Variants in SBF2 observed in about 807,000 individuals in gnomAD.
The protein encoded by SBF2 is SET binding factor 2.
Under a neutral mutation model 225.2 loss-of-function variants are expected in SBF2, and 112 were observed. The ratio of observed to expected loss-of-function variants is 0.50; its 90% CI spans 0.43 to 0.58. The LOEUF (loss-of-function observed/expected upper bound fraction) is 0.58. Ranked by LOEUF, SBF2 falls within the 20% of genes least tolerant of loss-of-function variation. The probability of loss-of-function intolerance (pLI) is 0.00; values close to 1 mark genes in which losing one functional copy is unlikely to be tolerated. For synonymous variants in SBF2, 763 were observed against 773.3 expected, an observed-to-expected ratio of 0.99 and a Z score of 0.22; for missense variants, 1,996 against 2,206.2, an observed-to-expected ratio of 0.90 and a Z score of 1.91.
At chr11:9,862,857 A>C (rs1262685194) in intron 17 of SBF2, among the ~76,000 whole-genome samples, 1 of 152,200 alleles carries the variant, frequency 6.6e-6, no homozygotes, top group Non-Finnish European at 1.5e-5. Context: ...CTAGCATCAT[A>C]ATCTTTTAAT....
In SBF2 at chr11:9,786,695, C is replaced by T. The variant is rs557933948; in HGVS notation, c.5037+939G>A. 5.3e-5 allele frequency among the ~76,000 whole-genome samples: 8 copies of T among 152,288 alleles called. No homozygotes were observed. The South Asian group carries it at 1.7e-3, about 32-fold the overall frequency. On this transcript the variant is annotated intron_variant, in intron 36 of 39. Coordinates refer to ENST00000256190, the MANE Select transcript of SBF2 (RefSeq NM_030962.4). ...TTCGATTGGTGGCTCTACCAGTTGC[C>T]ACTGTATGCTCTCTGTGCCTGTTCC...
chr11:9,816,814 T>G, intron 29 of SBF2, 26 bp downstream of exon 29: 2 of 1,610,932 alleles, frequency 1.2e-6, no homozygotes, highest in Non-Finnish European at 1.7e-6. Context: ...CCATAAAGTT[T>G]CTAAGTGAGA....
intron 1 of SBF2, among the ~76,000 whole-genome samples, chr11:10,218,345 A>C: frequency 1.1e-5 from 1 of 94,172 alleles, no homozygotes; most frequent in Non-Finnish European, 2.0e-5. Context: ...CAATGATTCA[A>C]TTACCTCCCA....
intron 17 of SBF2, among the ~76,000 whole-genome samples, chr11:9,874,189 T>C (rs1859026627): frequency 6.6e-6 from 1 of 152,146 alleles, no homozygotes; most frequent in Admixed American, 6.5e-5. Context: ...AAAAACATAA[T>C]TAGGAAGCTC....
At chr11:10,185,639 G>A (rs1227069724) in intron 2 of SBF2, among the ~76,000 whole-genome samples, 2 of 146,930 alleles carry the variant, frequency 1.4e-5, no homozygotes, top group African/African-American at 5.0e-5. Flanking sequence ...TTTTTTAATA[G>A]CAATAATAAT....
intron 13 of SBF2, among the ~76,000 whole-genome samples, chr11:9,982,215 C>T (rs1946987839): frequency 6.6e-6 from 1 of 152,162 alleles, no homozygotes; most frequent in Non-Finnish European, 1.5e-5. Flanking sequence ...CAACTCCTGA[C>T]CAGCTGACAA....
intron 2 of SBF2, among the ~76,000 whole-genome samples, chr11:10,161,470 A>G (rs1955732488): frequency 6.6e-6 from 1 of 152,244 alleles, no homozygotes; most frequent in Non-Finnish European, 1.5e-5. Flanking sequence ...GACTAGCTGA[A>G]GCCTGCACTG....
chr11:10,010,965 GTTGTATTCC>G (rs1279547693), intron 6 of SBF2, among the ~76,000 whole-genome samples: 1 of 152,068 alleles, frequency 6.6e-6, no homozygotes, highest in Non-Finnish European at 1.5e-5. Context: ...TCCCTTGTAA[GTTGTATTCC>G]TAGGTATTTT....
At chr11:10,253,034 C>T (rs1960521005) in intron 1 of SBF2, among the ~76,000 whole-genome samples, 1 of 144,224 alleles carries the variant, frequency 6.9e-6, no homozygotes, top group Non-Finnish European at 1.5e-5. Flanking sequence ...AATTAAACTC[C>T]TTTAGATTTA....
chr11:10,134,371 C>A (rs1037908541), intron 2 of SBF2, among the ~76,000 whole-genome samples: 5 of 152,060 alleles, frequency 3.3e-5, no homozygotes, highest in African/African-American at 7.2e-5. Flanking sequence ...GCCCTGGCCC[C>A]CCCCAAACCT....
At chr11:10,129,156 T>G (rs1231039075) in intron 2 of SBF2, among the ~76,000 whole-genome samples, 5 of 138,804 alleles carry the variant, frequency 3.6e-5, no homozygotes, top group Non-Finnish European at 7.5e-5. Context: ...CAGGCTGGAG[T>G]GCAGTGGCAC....
chr11:10,219,307 C>A (rs1283764335), intron 1 of SBF2, among the ~76,000 whole-genome samples: 1 of 152,208 alleles, frequency 6.6e-6, no homozygotes, highest in African/African-American at 2.4e-5. Context: ...GAAGCCATGG[C>A]CTGAGCTGTA....
At chr11:9,968,654 A>C in intron 13 of SBF2, 109 bp from the exon 14 acceptor site, 1 of 856,502 alleles carries the variant, frequency 1.2e-6, no homozygotes. Context: ...TTATACATAC[A>C]TTCATATATA....
chr11:9,797,708 G>A (rs768498688), intron 32 of SBF2, among the ~76,000 whole-genome samples: 3 of 152,228 alleles, frequency 2.0e-5, no homozygotes, highest in African/African-American at 4.8e-5. Context: ...GGTGGCTCAC[G>A]CCTGTAATCC....
At chr11:10,296,643 C>T (rs1591385405), upstream of SBF2, among the ~76,000 whole-genome samples, 1 of 152,052 alleles carries the variant, frequency 6.6e-6, no homozygotes, top group East Asian at 1.9e-4. Context: ...CCCATATGGA[C>T]ATATGGGTTG....
chr11:9,955,823 C>T lies in SBF2; in HGVS notation c.1860+6134G>A, dbSNP rs116910840. Among the ~76,000 whole-genome samples the T allele has an allele frequency of 4.2e-3, 642 of 151,932 alleles. 5 individuals carry two copies. Among genetic ancestry groups the T allele is most frequent in the South Asian group, 0.021 (99 of 4,804 alleles). On this transcript the variant is annotated intron_variant, in intron 16 of 39. Transcript: ENST00000256190. Reference sequence around the variant, plus strand: ...ATGTTTACTGCCCCTCCTCTGTGTCCCGCAGAGGTAATTTTCTTAAATATT... The same window carrying T: ...ATGTTTACTGCCCCTCCTCTGTGTCTCGCAGAGGTAATTTTCTTAAATATT...
At chr11:9,857,276 A>G (rs1465407869) in intron 18 of SBF2, among the ~76,000 whole-genome samples, 1 of 152,204 alleles carries the variant, frequency 6.6e-6, no homozygotes, top group African/African-American at 2.4e-5. Flanking sequence ...AAGAGCTGGT[A>G]TGTCTATGGT....
chr11:9,863,685 G>T (rs1281644017), intron 17 of SBF2, among the ~76,000 whole-genome samples: 1 of 151,202 alleles, frequency 6.6e-6, no homozygotes, highest in Non-Finnish European at 1.5e-5. Flanking sequence ...GACAGGAATA[G>T]AAAAAATTGT....
chr11:10,177,357 G>A (rs1376791187), intron 2 of SBF2, among the ~76,000 whole-genome samples: 1 of 143,182 alleles, frequency 7.0e-6, no homozygotes, highest in African/African-American at 2.6e-5. Context: ...TTAGGCAGGA[G>A]AAGGAAATAA....
Sources: allele counts gnomAD v4.1 joint callset (sites outside exome capture counted in the v4.1 genomes callset), GRCh38; gene constraint gnomAD v4.1.1; transcripts MANE v1.5; gene names NCBI Gene and HGNC (gene_info 2026-07-23, HGNC 2026-07-21).